The following SCAPER variants were observed in gnomAD, a reference collection of about 807,000 sequenced individuals.
SCAPER encodes the protein S phase cyclin A-associated protein in the endoplasmic reticulum.
A neutral mutation model predicts 182.2 loss-of-function variants in SCAPER; 98 were observed. The ratio of observed to expected loss-of-function variants is 0.54; its 90% CI spans 0.46 to 0.64. SCAPER has a LOEUF of 0.64. Among genes scored for constraint, SCAPER ranks in the 30% least tolerant of loss-of-function variants. SCAPER has a pLI of 0.00. For missense variants in SCAPER, 1,432 were observed against 1,690.0 expected (o/e 0.85, Z 2.68); for synonymous variants, 605 against 564.6 (o/e 1.07, Z -1.01).
rs889208452 is a variant in SCAPER, at chr15:76,434,163, C to T, written c.3226G>A (p.Ala1076Thr). ...TCCTGTGTTGGTATTTTTGGGGTAGCTGGCTGGCAGTTTCCATCTGGTCGA... is the reference window on the plus strand; with the variant it reads ...TCCTGTGTTGGTATTTTTGGGGTAGTTGGCTGGCAGTTTCCATCTGGTCGA... ...ANRPDGNCQP[A>T]TPKIPTQEMK... The change falls in exon 26 of 32, where the codon GCT becomes ACT. Residue 1076 changes from alanine to threonine, a missense_variant. By Grantham distance (58) the Ala-to-Thr change is moderately conservative (BLOSUM62 0). Transcript: ENST00000563290. 6 of 1,613,860 alleles carry T rather than the reference C, an allele frequency of 3.7e-6. No individual in the cohort carries two copies. Among genetic ancestry groups the T allele is most frequent in the Admixed American group, 1.7e-5 (1 of 59,992 alleles).
chr15:76,355,993 C>T (rs915515868), intron 29 of SCAPER, among the ~76,000 whole-genome samples: 6 of 152,210 alleles, frequency 3.9e-5, no homozygotes, highest in Admixed American at 3.9e-4. Flanking sequence ...CATTGGACCA[C>T]GTATGACAGG....
intron 26 of SCAPER, 127 bp downstream of exon 26, chr15:76,433,951 A>G (rs553271153): frequency 1.2e-5 from 9 of 721,120 alleles, no homozygotes; most frequent in African/African-American, 1.1e-4. Flanking sequence ...TATTCTTGGT[A>G]TTCTCTACCA....
chr15:76,702,502 C>A (rs1401509948), intron 19 of SCAPER, among the ~76,000 whole-genome samples: 1 of 152,078 alleles, frequency 6.6e-6, no homozygotes, highest in Non-Finnish European at 1.5e-5. Flanking sequence ...GGATGGAGTG[C>A]AGTGGCATGA....
intron 29 of SCAPER, among the ~76,000 whole-genome samples, chr15:76,370,397 C>G (rs573612300): frequency 4.5e-4 from 68 of 149,612 alleles, no homozygotes; most frequent in African/African-American, 1.6e-3. Context: ...CTCTGCCTCC[C>G]GGGTTCAAGC....
rs1307822268 is a variant in SCAPER at position 76,376,311 on chromosome 15, A to G, written c.3706T>C (p.Ser1236Pro). ...GACAAGCCCTCTGCCCCTACAATAG[A>G]CTGACAAAGACAAGGAGCAGTTAGA... Reference protein sequence around the residue: ...FAALHLPAFQSIVGAEGLSLA... With the variant: ...FAALHLPAFQPIVGAEGLSLA... The change falls in exon 29 of 32, where the codon TCT becomes CCT. Residue 1236 changes from serine (S) to proline (P), a missense_variant and splice_region_variant. Physicochemically the swap from Ser to Pro is moderately conservative, Grantham distance 74. This residue lies in a region of SCAPER where 718 missense variants were observed against 799.7 expected (regional missense o/e 0.90). Coordinates refer to ENST00000563290, the MANE Select transcript of SCAPER (RefSeq NM_020843.4). The G allele has an allele frequency of 2.5e-6, 4 of 1,609,606 alleles. No individual in the cohort carries two copies. The highest frequency in any genetic ancestry group is 2.5e-6 in the Non-Finnish European group (3 of 1,177,608).
Position 76,705,884 on chromosome 15 carries a change from A to G in SCAPER, c.2247+19T>C, listed in dbSNP as rs774551897. The G allele has an allele frequency of 6.6e-7, 1 of 1,506,248 alleles. No individual in the cohort carries two copies. Among genetic ancestry groups the G allele is most frequent in the Non-Finnish European group, 8.9e-7 (1 of 1,128,414 alleles). The allele number at this position is 1,506,248 out of a possible 1,614,324, so 93.3% of individuals were successfully genotyped here. A position where few individuals can be genotyped will look rare whatever the true frequency, so the allele number is the denominator to read the frequency against. On this transcript the variant is annotated intron_variant, in intron 18 of 31. Transcript: ENST00000563290. ...TGTAAGCTCTAAAATTTCAAATTAA[A>G]AATATATAATATCCTTACCTTGAGC...
intron 25 of SCAPER, among the ~76,000 whole-genome samples, chr15:76,439,576 T>G (rs2047422791): frequency 6.6e-6 from 1 of 152,332 alleles, no homozygotes; most frequent in East Asian, 1.9e-4. Context: ...GATATTTGCT[T>G]ATAGAGCAAC....
At chr15:76,850,446 C>A (rs1291050476) in intron 4 of SCAPER, among the ~76,000 whole-genome samples, 1 of 152,130 alleles carries the variant, frequency 6.6e-6, no homozygotes, top group Non-Finnish European at 1.5e-5. Context: ...CAAAGGCACA[C>A]AGAGAAAAGA....
intron 26 of SCAPER, among the ~76,000 whole-genome samples, chr15:76,405,348 C>T (rs2044751464): frequency 6.6e-6 from 1 of 151,880 alleles, no homozygotes; most frequent in African/African-American, 2.4e-5. Flanking sequence ...AACTTCTGGC[C>T]TGATGCGATC....
chr15:76,793,514 C>T (rs2065131768), intron 8 of SCAPER: 4 of 415,588 alleles, frequency 9.6e-6, no homozygotes, highest in South Asian at 6.4e-5. Context: ...ATCAATCATG[C>T]CTAGATAATG....
intron 27 of SCAPER, among the ~76,000 whole-genome samples, chr15:76,383,122 A>G (rs1343212035): frequency 6.7e-6 from 1 of 149,518 alleles, no homozygotes; most frequent in East Asian, 2.0e-4. Context: ...ACACACACCT[A>G]CACACACATA....
chr15:76,473,211 C>A (rs1230673024), intron 24 of SCAPER, among the ~76,000 whole-genome samples: 1 of 152,144 alleles, frequency 6.6e-6, no homozygotes, highest in Non-Finnish European at 1.5e-5. Flanking sequence ...AAAATGAAGA[C>A]CTCACTGGGT....
At chr15:76,747,031 G>A (rs1430980758) in intron 15 of SCAPER, among the ~76,000 whole-genome samples, 1 of 152,190 alleles carries the variant, frequency 6.6e-6, no homozygotes, top group Non-Finnish European at 1.5e-5. Flanking sequence ...GGAATGGCAA[G>A]GTACACTACA....
In SCAPER at chr15:76,833,860, A is replaced by G. The variant is rs905812190; in HGVS notation, c.393+7874T>C. Among the ~76,000 whole-genome samples the G allele has an allele frequency of 5.9e-5, 9 of 152,364 alleles. No homozygotes were observed. In the South Asian group the frequency reaches 6.2e-4, roughly 11 times the overall value. ...ACATTAGAGCACCTAGATTCATGAC[A>G]TAAGTTCTCAGAGACCTATGAAGAG... On this transcript the variant is annotated intron_variant, in intron 5 of 31. Coordinates refer to ENST00000563290, the MANE Select transcript of SCAPER (RefSeq NM_020843.4).
intron 22 of SCAPER, among the ~76,000 whole-genome samples, chr15:76,621,039 T>C (rs1437804283): frequency 6.6e-6 from 1 of 152,200 alleles, no homozygotes; most frequent in Non-Finnish European, 1.5e-5. Context: ...GAGTCATCTA[T>C]GTATATAAAT....
chr15:76,895,830 G>T (rs1413227675), intron 1 of SCAPER, among the ~76,000 whole-genome samples: 1 of 152,072 alleles, frequency 6.6e-6, no homozygotes, highest in Non-Finnish European at 1.5e-5. Flanking sequence ...CATGACGTCA[G>T]GAGATCGAGA....
intron 5 of SCAPER, among the ~76,000 whole-genome samples, chr15:76,818,948 A>C (rs1568240593): frequency 1.3e-5 from 2 of 152,360 alleles, no homozygotes; most frequent in East Asian, 1.9e-4. Flanking sequence ...TATCCCGCAC[A>C]TGGCTCGGAG....
chr15:76,524,457 C>A (rs2043036137), intron 23 of SCAPER, among the ~76,000 whole-genome samples: 1 of 151,938 alleles, frequency 6.6e-6, no homozygotes, highest in African/African-American at 2.4e-5. Flanking sequence ...ATTTAAATTA[C>A]TAGACATTTA....
At chr15:76,640,191 C>T (rs563675571) in intron 21 of SCAPER, among the ~76,000 whole-genome samples, 68 of 152,200 alleles carry the variant, frequency 4.5e-4, no homozygotes, top group Admixed American at 1.2e-3. Flanking sequence ...AAATTCTACT[C>T]GGATGTGGAA....
Sources: gnomAD v4.1 joint callset for allele counts (sites outside exome capture counted in the v4.1 genomes callset) on GRCh38, gnomAD v4.1.1 for gene constraint, gnomAD v4.1.1 regional missense constraint, MANE v1.5 for transcripts, NCBI Gene and HGNC (gene_info 2026-07-23, HGNC 2026-07-21) for gene names.